The following SEMA3A variants were observed in gnomAD, a reference collection of about 807,000 sequenced individuals.
SEMA3A encodes semaphorin-3A.
SEMA3A carries 29 observed loss-of-function variants against 97.9 expected under a neutral mutation model. The ratio of observed to expected loss-of-function variants is 0.30; its 90% CI spans 0.22 to 0.40. The LOEUF (loss-of-function observed/expected upper bound fraction) is 0.40, where lower values mean the gene tolerates loss of function less well. SEMA3A is among the 10% of genes least tolerant of loss of function. The probability of loss-of-function intolerance (pLI) is 1.00; values close to 1 mark genes in which losing one functional copy is unlikely to be tolerated. For missense variants in SEMA3A, 763 were observed against 951.3 expected, an observed-to-expected ratio of 0.80 and a Z score of 2.60; for synonymous variants, 321 against 323.7, an observed-to-expected ratio of 0.99 and a Z score of 0.09.
At chr7:84,463,406 G>A (rs1041750876) in intron 1 of SEMA3A, among the ~76,000 whole-genome samples, 2 of 151,502 alleles carry the variant, frequency 1.3e-5, no homozygotes, top group Middle Eastern at 3.4e-3. Context: ...CTGCCACCAC[G>A]CCCGGCTAAT....
chr7:84,129,331 C>G (rs1347191752), intron 2 of SEMA3A, 146 bp from the exon 3 acceptor site: 1 of 642,638 alleles, frequency 1.6e-6, no homozygotes, highest in African/African-American at 1.8e-5. Context: ...TTTAGACCTT[C>G]CAGTGGCGCC....
chr7:84,159,179 A>T (rs1471928282), intron 1 of SEMA3A, among the ~76,000 whole-genome samples: 1 of 152,172 alleles, frequency 6.6e-6, no homozygotes, highest in African/African-American at 2.4e-5. Flanking sequence ...ACTCAGAACT[A>T]TCTGCCACTG....
At chr7:83,997,512 C>G (rs1227449602) in intron 12 of SEMA3A, among the ~76,000 whole-genome samples, 1 of 152,036 alleles carries the variant, frequency 6.6e-6, no homozygotes, top group Non-Finnish European at 1.5e-5. Flanking sequence ...GTAAATATTT[C>G]TCTAAACTCT....
chr7:84,490,144 G>T, intron 1 of SEMA3A, among the ~76,000 whole-genome samples: 1 of 136,878 alleles, frequency 7.3e-6, no homozygotes, highest in African/African-American at 2.8e-5. Context: ...TATAATTCCA[G>T]TAAAAAGAAC....
intron 6 of SEMA3A, among the ~76,000 whole-genome samples, chr7:84,023,529 C>A (rs1584558969): frequency 6.6e-6 from 1 of 152,138 alleles, no homozygotes; most frequent in East Asian, 1.9e-4. Flanking sequence ...AACTCTCTTG[C>A]ACAAGTGCTG....
At chr7:84,480,356 A>G (rs1806413439) in intron 1 of SEMA3A, among the ~76,000 whole-genome samples, 1 of 152,234 alleles carries the variant, frequency 6.6e-6, no homozygotes. Context: ...GCAGAAGTGA[A>G]AAATAGTAAC....
At chr7:84,375,744 C>A (rs961449980) in intron 1 of SEMA3A, among the ~76,000 whole-genome samples, 1 of 152,136 alleles carries the variant, frequency 6.6e-6, no homozygotes, top group African/African-American at 2.4e-5. Flanking sequence ...AAAAAGTTAA[C>A]TGTAGTCACT....
At chr7:84,260,821 G>A (rs1157351088) in intron 3 of SEMA3A, among the ~76,000 whole-genome samples, 2 of 152,184 alleles carry the variant, frequency 1.3e-5, no homozygotes, top group Non-Finnish European at 2.9e-5. Flanking sequence ...GGCAGCAGAA[G>A]GCAGATAGGC....
intron 9 of SEMA3A, among the ~76,000 whole-genome samples, chr7:84,008,341 AT>A (rs1171082755): frequency 6.6e-6 from 1 of 151,994 alleles, no homozygotes. Context: ...AATACAAAAA[AT>A]TAGCCAGGTG....
intron 3 of SEMA3A, among the ~76,000 whole-genome samples, chr7:84,265,061 T>C (rs1273338525): frequency 2.0e-5 from 3 of 152,122 alleles, no homozygotes; most frequent in Non-Finnish European, 2.9e-5. Context: ...ACTTCGAAGA[T>C]GAAGGCTTCA....
intron 1 of SEMA3A, among the ~76,000 whole-genome samples, chr7:84,470,491 GAGA>G (rs1353088178): frequency 1.3e-5 from 2 of 152,096 alleles, no homozygotes; most frequent in Non-Finnish European, 1.5e-5. Context: ...TCTGGAAAGG[GAGA>G]AGATGGGAGA....
intron 14 of SEMA3A, 69 bp downstream of exon 14, chr7:83,981,252 G>A: frequency 6.5e-7 from 1 of 1,531,566 alleles, no homozygotes; most frequent in Non-Finnish European, 8.9e-7. Context: ...TTTGAAGAAA[G>A]CTATTTCAAA....
At chr7:84,364,662 T>C (rs1377127215) in intron 2 of SEMA3A, among the ~76,000 whole-genome samples, 1 of 151,738 alleles carries the variant, frequency 6.6e-6, no homozygotes, top group Non-Finnish European at 1.5e-5. Context: ...TGCATTACCA[T>C]GCTGTCACTT....
At chr7:84,378,578 C>T (rs767843472) in intron 1 of SEMA3A, among the ~76,000 whole-genome samples, 3 of 151,848 alleles carry the variant, frequency 2.0e-5, no homozygotes, top group African/African-American at 4.8e-5. Flanking sequence ...GGCAAGGGGA[C>T]GGATAGCATT....
chr7:84,024,517 G>C (rs967427894), intron 6 of SEMA3A, among the ~76,000 whole-genome samples: 1 of 151,660 alleles, frequency 6.6e-6, no homozygotes, highest in Admixed American at 6.6e-5. Flanking sequence ...CTGCACTCCA[G>C]CCTGAGCAAG....
At chr7:84,114,264 G>A (rs1795357941) in intron 3 of SEMA3A, among the ~76,000 whole-genome samples, 1 of 152,088 alleles carries the variant, frequency 6.6e-6, no homozygotes, top group African/African-American at 2.4e-5. Flanking sequence ...ATTCTGGATG[G>A]AGCAGTTAAA....
chr7:84,429,234 C>A (rs1236626773), intron 1 of SEMA3A, among the ~76,000 whole-genome samples: 2 of 151,620 alleles, frequency 1.3e-5, no homozygotes, highest in African/African-American at 2.4e-5. Flanking sequence ...ACTAATATAT[C>A]TGCTTGATAC....
chr7:84,169,949 G>A (rs1562828314), intron 1 of SEMA3A, among the ~76,000 whole-genome samples: 1 of 151,676 alleles, frequency 6.6e-6, no homozygotes, highest in Non-Finnish European at 1.5e-5. Context: ...GAAACTCCTA[G>A]TCTATATTTA....
chr7:84,422,594 T>G (rs1240370650), intron 1 of SEMA3A, among the ~76,000 whole-genome samples: 1 of 152,130 alleles, frequency 6.6e-6, no homozygotes, highest in Non-Finnish European at 1.5e-5. Flanking sequence ...CCAGTTCTTT[T>G]AATTGTGATG....
Sources: gnomAD v4.1 joint callset for allele counts (sites outside exome capture counted in the v4.1 genomes callset) on GRCh38, gnomAD v4.1.1 for gene constraint, MANE v1.5 for transcripts, NCBI Gene and HGNC (gene_info 2026-07-23, HGNC 2026-07-21) for gene names.